Variants in EML5 observed in about 807,000 individuals in gnomAD.
EML5 encodes the protein echinoderm microtubule-associated protein-like 5.
EML5 carries 120 observed loss-of-function variants against 250.0 expected under a neutral mutation model. The observed-to-expected ratio is 0.48, with a 90% confidence interval of 0.41 to 0.56. The LOEUF is 0.56. EML5 is among the 20% of genes least tolerant of loss of function. The pLI, the probability that EML5 is intolerant of heterozygous loss-of-function variation, is 0.00. For missense variants in EML5, 2,006 were observed against 2,437.6 expected (o/e 0.82, Z 3.73); for synonymous variants, 771 against 806.5 (o/e 0.96, Z 0.75).
chr14:88,629,721 T>A (rs916534072), intron 33 of EML5, among the ~76,000 whole-genome samples: 6 of 152,146 alleles, frequency 3.9e-5, no homozygotes, highest in African/African-American at 1.2e-4. Context: ...GGTACGTTTT[T>A]TCCTGAATTC....
At chr14:88,727,228 C>G (rs1215612071) in intron 7 of EML5, among the ~76,000 whole-genome samples, 1 of 152,108 alleles carries the variant, frequency 6.6e-6, no homozygotes, top group Non-Finnish European at 1.5e-5. Flanking sequence ...TGAGTATGCA[C>G]TGGTGATAAA....
At chr14:88,660,604 A>C (rs2092054510) in intron 25 of EML5, among the ~76,000 whole-genome samples, 1 of 151,994 alleles carries the variant, frequency 6.6e-6, no homozygotes, top group South Asian at 2.1e-4. Flanking sequence ...TTAGCTGGGC[A>C]TGGTGGTGCG....
intron 19 of EML5, among the ~76,000 whole-genome samples, chr14:88,686,043 A>G (rs1413300552): frequency 6.6e-6 from 1 of 152,142 alleles, no homozygotes; most frequent in Non-Finnish European, 1.5e-5. Context: ...TACAGTGAGG[A>G]AAACAGACCC....
intron 14 of EML5, among the ~76,000 whole-genome samples, chr14:88,699,243 A>G (rs144702969): frequency 6.6e-6 from 1 of 152,136 alleles, no homozygotes; most frequent in East Asian, 2.0e-4. Flanking sequence ...TAAGTAAAAG[A>G]TGTGAAATAG....
intron 8 of EML5, among the ~76,000 whole-genome samples, chr14:88,721,957 A>G (rs1398680039): frequency 6.6e-6 from 1 of 152,248 alleles, no homozygotes; most frequent in East Asian, 1.9e-4. Context: ...GGCAAAGGAC[A>G]TGAGCGGACA....
chr14:88,720,529 T>C (rs764353832), intron 8 of EML5, among the ~76,000 whole-genome samples: 11 of 151,990 alleles, frequency 7.2e-5, no homozygotes, highest in Non-Finnish European at 1.3e-4. Flanking sequence ...ACAAAGACCA[T>C]ATGATTATCT....
At chr14:88,705,077 C>G (rs372421058) in intron 12 of EML5, 99 bp from the exon 13 acceptor site, 4 of 764,134 alleles carry the variant, frequency 5.2e-6, no homozygotes, top group Non-Finnish European at 8.1e-6. Flanking sequence ...CTGAAAACAA[C>G]AGCTTTAATA....
Position 88,712,581 on chromosome 14 carries a change from T to G in EML5, c.1445-98A>C, listed in dbSNP as rs928705814. The G allele has an allele frequency of 5.5e-5, 50 of 911,830 alleles. No individual in the cohort carries two copies. In the Admixed American group the frequency reaches 1.3e-3, roughly 24 times the overall value. The allele number at this position is 911,830 out of a possible 1,614,324, so 56.5% of individuals were successfully genotyped here. On this transcript the variant is annotated intron_variant, in intron 9 of 43. Coordinates refer to ENST00000554922, the MANE Select transcript of EML5 (RefSeq NM_183387.3). ...ACATAGTAAATTCCAAAATTTAATG[T>G]ATCTTCCCACCCCACTTAGAGGAAA...
rs1293050828 is a variant in EML5, at chr14:88,715,040, A to C, written c.1343T>G (p.Leu448Trp). The change falls in exon 9 of 44, where the codon TTG becomes TGG. Residue 448 changes from leucine to tryptophan, a missense_variant. Leu to Trp is a moderately conservative substitution (Grantham distance 61). This residue lies in a region of EML5 where 1,375 missense variants were observed against 1,590.3 expected (regional missense o/e 0.86). Transcript: ENST00000554922. The part of the protein sequence containing the change: ...AQRYKKVGEC[L>W]GSLSFITHLD... ...ATGAGTGATGAAACTAAGGGATCCC[A>C]AACACTCGCCAACTTTTTTATAACG... 1 of 1,613,892 alleles carries C rather than the reference A, an allele frequency of 6.2e-7. No homozygotes were observed. Among genetic ancestry groups the C allele is most frequent in the Non-Finnish European group, 8.5e-7 (1 of 1,179,830 alleles).
intron 6 of EML5, among the ~76,000 whole-genome samples, chr14:88,737,728 A>T (rs2093865820): frequency 6.6e-6 from 1 of 152,148 alleles, no homozygotes; most frequent in Non-Finnish European, 1.5e-5. Flanking sequence ...CTTTTTATGT[A>T]CCTAGTTCCT....
chr14:88,711,328 G>C (rs181943586), intron 10 of EML5, among the ~76,000 whole-genome samples: 2 of 128,290 alleles, frequency 1.6e-5, no homozygotes, highest in South Asian at 2.6e-4. Flanking sequence ...TGCTGTTTTC[G>C]TGACAGTGAG....
intron 34 of EML5, 140 bp downstream of exon 34, chr14:88,627,506 C>T (rs2090090171): frequency 1.3e-6 from 1 of 742,590 alleles, no homozygotes; most frequent in Non-Finnish European, 2.1e-6. Context: ...ACCTACAGTA[C>T]CACTGTGTAC....
intron 41 of EML5, 90 bp downstream of exon 41, chr14:88,618,138 C>G (rs2088055204): frequency 9.5e-7 from 1 of 1,047,914 alleles, no homozygotes; most frequent in South Asian, 1.6e-5. Context: ...ATTACTATTC[C>G]TTATTGGAAT....
At chr14:88,693,763 C>CTTTTTT (rs71127002) in intron 17 of EML5, among the ~76,000 whole-genome samples, 6 of 62,846 alleles carry the variant, frequency 9.5e-5, no homozygotes, top group Non-Finnish European at 1.3e-4. Flanking sequence ...ATGTTAACAT[C>CTTTTTT]TTTTTTTTTT....
intron 10 of EML5, among the ~76,000 whole-genome samples, chr14:88,711,266 T>C (rs189469568): frequency 2.0e-5 from 3 of 150,880 alleles, no homozygotes; most frequent in Admixed American, 1.3e-4. Flanking sequence ...CCTCATGTGT[T>C]GAAGGAGAGA....
chr14:88,775,679 G>A (rs534028683), intron 1 of EML5, among the ~76,000 whole-genome samples: 7 of 152,296 alleles, frequency 4.6e-5, no homozygotes, highest in Admixed American at 3.3e-4. Context: ...CCCAAGCCTG[G>A]GGGAACTCAC....
chr14:88,749,364 A>G (rs1595766120), intron 2 of EML5, among the ~76,000 whole-genome samples: 1 of 152,316 alleles, frequency 6.6e-6, no homozygotes, highest in Non-Finnish European at 1.5e-5. Context: ...GAGTCAAAAC[A>G]AAGTCTTTTT....
At chr14:88,616,703 T>C (rs2087679008) in intron 42 of EML5, 23 bp downstream of exon 42, 1 of 1,602,934 alleles carries the variant, frequency 6.2e-7, no homozygotes, top group Non-Finnish European at 8.5e-7. Context: ...AAACTGATAA[T>C]AGTAAACAAA....
At position 88,705,586 on chromosome 14, in the gene EML5, T is replaced by A. The variant is rs775722787; in HGVS notation, c.1828A>T (p.Ser610Cys). Residue 610 changes from serine (S) to cysteine (C), a missense_variant and splice_region_variant, in exon 12 of 44, where the codon AGT (serine) becomes TGT (cysteine). Around this residue, in one of 7 missense-constraint regions of EML5, gnomAD observed 1,375 missense variants for 1,590.3 expected, o/e 0.86. Coordinates refer to ENST00000554922, the MANE Select transcript of EML5 (RefSeq NM_183387.3). ...KDAVHIAPQE[S>C]LADSHSDESD... ...TCATCACTATGAGAGTCAGCCAGAC[T>A]TTCTGTAATTTTTAAAAATGAAATG... 6.4e-7 allele frequency: 1 copy of A among 1,570,834 alleles called. No homozygotes were observed. The highest frequency in any genetic ancestry group is 2.3e-5 in the East Asian group (1 of 43,558).
Sources: gnomAD v4.1 joint callset for allele counts (sites outside exome capture counted in the v4.1 genomes callset) on GRCh38, gnomAD v4.1.1 for gene constraint, gnomAD v4.1.1 regional missense constraint, MANE v1.5 for transcripts, NCBI Gene and HGNC (gene_info 2026-07-23, HGNC 2026-07-21) for gene names.